The following FAM24B variants were observed in gnomAD, a reference collection of about 807,000 sequenced individuals.
FAM24B encodes the protein family with sequence similarity 24 member B.
In FAM24B, 3 loss-of-function variants were observed where a neutral mutation model predicts 2.3. The observed-to-expected ratio is 1.29, with a 90% CI of 0.59 to 3.32. The LOEUF is 3.32. FAM24B is among the 30% of genes most tolerant of loss of function. The pLI, the probability that FAM24B is intolerant of heterozygous loss-of-function variation, is 0.03. For synonymous variants in FAM24B, 36 were observed against 46.3 expected (o/e 0.78, Z 0.90); for missense variants, 98 against 117.2 (o/e 0.84, Z 0.76).
At chr10:122,874,010 T>G (rs537427353) in intron 1 of FAM24B, among the ~76,000 whole-genome samples, 4 of 152,318 alleles carry the variant, frequency 2.6e-5, no homozygotes, top group African/African-American at 9.6e-5. Flanking sequence ...CTTTTACATT[T>G]GTTAAGGGGT....
intron 2 of FAM24B, among the ~76,000 whole-genome samples, chr10:122,852,815 G>A (rs542251075): frequency 8.5e-4 from 130 of 152,184 alleles, no homozygotes; most frequent in Non-Finnish European, 1.5e-3. Flanking sequence ...GTCTTCGCTG[G>A]TGGAGTTGGG....
At chr10:122,868,997 TAA>T (rs1232390010) in intron 1 of FAM24B, among the ~76,000 whole-genome samples, 1 of 152,048 alleles carries the variant, frequency 6.6e-6, no homozygotes, top group East Asian at 1.9e-4. Context: ...GCAAACTGGA[TAA>T]AGAGTCAAGA....
chr10:122,878,858 A>C (rs1334636097), intron 1 of FAM24B, among the ~76,000 whole-genome samples: 1 of 151,650 alleles, frequency 6.6e-6, no homozygotes, highest in Non-Finnish European at 1.5e-5. Context: ...GGAAGTCAAA[A>C]TCCAGCTTAT....
chr10:122,870,051 A>G (rs1421648317), intron 1 of FAM24B, among the ~76,000 whole-genome samples: 1 of 151,778 alleles, frequency 6.6e-6, no homozygotes, highest in Non-Finnish European at 1.5e-5. Flanking sequence ...AGACTAATAA[A>G]GAAGAAAAGA....
intron 2 of FAM24B, among the ~76,000 whole-genome samples, chr10:122,851,500 T>A (rs1847535660): frequency 6.6e-6 from 1 of 152,220 alleles, no homozygotes; most frequent in Admixed American, 6.5e-5. Flanking sequence ...GGACACCAGC[T>A]CTCTTTCATG....
chr10:122,858,189 G>A (rs1162623930), intron 1 of FAM24B, among the ~76,000 whole-genome samples: 7 of 152,150 alleles, frequency 4.6e-5, no homozygotes, highest in Non-Finnish European at 1.0e-4. Flanking sequence ...TTAAGAAAAT[G>A]TGGCACATAT....
intron 1 of FAM24B, among the ~76,000 whole-genome samples, chr10:122,863,143 T>G (rs36212725): frequency 6.6e-6 from 1 of 152,176 alleles, no homozygotes; most frequent in Non-Finnish European, 1.5e-5. Context: ...TTTGGCCATG[T>G]TGAAGAATCT....
chr10:122,860,694 C>CT (rs145653970), intron 1 of FAM24B, among the ~76,000 whole-genome samples: 3,296 of 152,238 alleles, frequency 0.022, 129 homozygotes, highest in African/African-American at 0.074. Flanking sequence ...TGTCAGAGGA[C>CT]TTTTTTGTTT....
intron 1 of FAM24B, among the ~76,000 whole-genome samples, chr10:122,878,774 G>A (rs990102026): frequency 2.7e-5 from 4 of 150,810 alleles, no homozygotes; most frequent in African/African-American, 9.8e-5. Flanking sequence ...ACAAGACTGG[G>A]TGATAATACT....
chr10:122,861,434 G>C (rs1847723927), intron 1 of FAM24B, among the ~76,000 whole-genome samples: 1 of 151,916 alleles, frequency 6.6e-6, no homozygotes, highest in African/African-American at 2.4e-5. Context: ...AGTTTGTTTT[G>C]GCTATTCTAA....
intron 1 of FAM24B, among the ~76,000 whole-genome samples, chr10:122,869,768 G>A (rs1463053351): frequency 2.0e-5 from 3 of 152,106 alleles, no homozygotes; most frequent in African/African-American, 7.2e-5. Context: ...CAGAATCTCT[G>A]GGACACATTC....
intron 1 of FAM24B, among the ~76,000 whole-genome samples, chr10:122,867,329 G>A (rs1180074315): frequency 6.6e-6 from 1 of 152,244 alleles, no homozygotes. Flanking sequence ...ACAGCTCAAG[G>A]AGGCCTGCCT....
chr10:122,868,570 C>T (rs978121572), intron 1 of FAM24B, among the ~76,000 whole-genome samples: 1 of 152,278 alleles, frequency 6.6e-6, no homozygotes, highest in South Asian at 2.1e-4. Flanking sequence ...GCCCATCAGA[C>T]TAACAGCTGA....
chr10:122,871,515 C>G (rs1463001039), intron 1 of FAM24B, among the ~76,000 whole-genome samples: 1 of 151,378 alleles, frequency 6.6e-6, no homozygotes, highest in African/African-American at 2.4e-5. Context: ...CTGGAGGCAT[C>G]ACGCTACCTG....
chr10:122,858,965 C>T (rs892564170), intron 1 of FAM24B, among the ~76,000 whole-genome samples: 2 of 152,082 alleles, frequency 1.3e-5, no homozygotes, highest in African/African-American at 4.8e-5. Flanking sequence ...CTTTTTTCTT[C>T]TTGCAGACTT....
At chr10:122,871,469 G>A (rs9423230) in intron 1 of FAM24B, among the ~76,000 whole-genome samples, 2,141 of 151,678 alleles carry the variant, frequency 0.014, 31 homozygotes, top group East Asian at 0.069. Context: ...AAAAGAGCCC[G>A]CATCGCCAAG....
At chr10:122,854,296 A>T (rs1292539034) in intron 2 of FAM24B, among the ~76,000 whole-genome samples, 1 of 152,250 alleles carries the variant, frequency 6.6e-6, no homozygotes, top group Non-Finnish European at 1.5e-5. Context: ...GGCAACAACT[A>T]AAACCTCTGT....
At chr10:122,870,743 T>G (rs1847883020) in intron 1 of FAM24B, among the ~76,000 whole-genome samples, 1 of 152,304 alleles carries the variant, frequency 6.6e-6, no homozygotes, top group East Asian at 1.9e-4. Flanking sequence ...ACAACCTTCA[T>G]GCTAAAAACT....
At chr10:122,873,855 T>G (rs891290511) in intron 1 of FAM24B, among the ~76,000 whole-genome samples, 1 of 152,258 alleles carries the variant, frequency 6.6e-6, no homozygotes, top group Non-Finnish European at 1.5e-5. Flanking sequence ...TTTTTAAATT[T>G]CTCTTGAAAC....
Sources: gnomAD v4.1 joint callset for allele counts (sites outside exome capture counted in the v4.1 genomes callset) on GRCh38, gnomAD v4.1.1 for gene constraint, MANE v1.5 for transcripts, NCBI Gene and HGNC (gene_info 2026-07-23, HGNC 2026-07-21) for gene names.